FAM13C: variants seen among roughly 807,000 people sequenced by gnomAD.
FAM13C encodes family with sequence similarity 13 member C.
FAM13C carries 37 observed loss-of-function variants against 73.2 expected under a neutral mutation model. The ratio of observed to expected loss-of-function variants is 0.51; its 90% CI spans 0.39 to 0.67. The LOEUF (loss-of-function observed/expected upper bound fraction) is 0.67, where lower values mean the gene tolerates loss of function less well. Among genes scored for constraint, FAM13C ranks in the 30% least tolerant of loss-of-function variants. The pLI, the probability that FAM13C is intolerant of heterozygous loss-of-function variation, is 0.00. For synonymous variants in FAM13C, 246 were observed against 260.9 expected (o/e 0.94, Z 0.55); for missense variants, 589 against 715.6 (o/e 0.82, Z 2.02).
chr10:59,278,532 G>A (rs1370471807), intron 6 of FAM13C, among the ~76,000 whole-genome samples: 3 of 152,048 alleles, frequency 2.0e-5, no homozygotes, highest in Non-Finnish European at 1.5e-5. Flanking sequence ...GAGGGAGAAG[G>A]GTGGTCCTGT....
chr10:59,353,956 A>G (rs554441239), intron 2 of FAM13C, among the ~76,000 whole-genome samples: 1 of 152,358 alleles, frequency 6.6e-6, no homozygotes, highest in East Asian at 1.9e-4. Flanking sequence ...TTGGAAATTA[A>G]TATCAAACCA....
intron 3 of FAM13C, among the ~76,000 whole-genome samples, chr10:59,330,630 T>C (rs1045124034): frequency 2.0e-5 from 3 of 152,106 alleles, no homozygotes; most frequent in African/African-American, 7.2e-5. Flanking sequence ...AGATGTAAGA[T>C]AGCTGCCTTG....
intron 3 of FAM13C, among the ~76,000 whole-genome samples, chr10:59,326,808 A>T (rs1157822242): frequency 6.6e-6 from 1 of 152,078 alleles, no homozygotes; most frequent in Non-Finnish European, 1.5e-5. Context: ...GCAGACACAG[A>T]CCTCTCTAGT....
At chr10:59,252,653 A>G in intron 12 of FAM13C, 146 bp downstream of exon 12, 2 of 701,504 alleles carry the variant, frequency 2.9e-6, no homozygotes, top group Non-Finnish European at 4.8e-6. Flanking sequence ...TATCTCATCT[A>G]AATGTAAGAG....
intron 5 of FAM13C, among the ~76,000 whole-genome samples, chr10:59,291,670 A>AG (rs35108852): frequency 0.9 from 136,965 of 152,182 alleles, 62,311 homozygotes; most frequent in East Asian, 0.97. Flanking sequence ...CAACCTGGAA[A>AG]GGGGAATCCT....
At chr10:59,335,652 C>A (rs745800647) in intron 3 of FAM13C, among the ~76,000 whole-genome samples, 5 of 152,184 alleles carry the variant, frequency 3.3e-5, no homozygotes, top group Non-Finnish European at 5.9e-5. Context: ...ACAACAGATG[C>A]AGTAACATCA....
At chr10:59,255,336 C>A (rs1298828896) in intron 10 of FAM13C, among the ~76,000 whole-genome samples, 1 of 152,170 alleles carries the variant, frequency 6.6e-6, no homozygotes, top group African/African-American at 2.4e-5. Context: ...ATATTCTATA[C>A]CCCTCTGCTG....
At chr10:59,255,282 A>G (rs146579120) in intron 10 of FAM13C, among the ~76,000 whole-genome samples, 1 of 152,258 alleles carries the variant, frequency 6.6e-6, no homozygotes, top group African/African-American at 2.4e-5. Flanking sequence ...GGAGTTACCA[A>G]TATCCTTCCC....
In FAM13C at chr10:59,362,452, A is replaced by C; in HGVS notation, c.9T>G (p.Ser3=). 6.2e-7 allele frequency: 1 copy of C among 1,613,794 alleles called. No homozygotes were observed. The highest frequency in any genetic ancestry group is 8.5e-7 in the Non-Finnish European group (1 of 1,179,882). Residue 3 remains serine (S), a synonymous_variant, in exon 1 of 14, where the codon TCT becomes TCG. Coordinates refer to ENST00000618804, the MANE Select transcript of FAM13C (RefSeq NM_198215.4). MF[S]CFCFSLQDNS... ...TATCCTGAAGGCTGAAACAGAAACAAGAAAACATCAGCCAAGTCTGGCCGG... is the reference window on the plus strand; with the variant it reads ...TATCCTGAAGGCTGAAACAGAAACACGAAAACATCAGCCAAGTCTGGCCGG...
intron 11 of FAM13C, 37 bp downstream of exon 11, chr10:59,254,311 C>T (rs1392622890): frequency 2.2e-6 from 3 of 1,351,440 alleles, no homozygotes; most frequent in East Asian, 2.5e-5. Context: ...AACTACACAT[C>T]AGTACAAAGT....
intron 3 of FAM13C, among the ~76,000 whole-genome samples, chr10:59,350,162 C>T (rs1279939121): frequency 6.6e-6 from 1 of 152,166 alleles, no homozygotes; most frequent in African/African-American, 2.4e-5. Flanking sequence ...ATAGAACAGG[C>T]CACTTAAATT....
Position 59,268,639 on chromosome 10 carries a change from T to G in FAM13C, c.856A>C (p.Ile286Leu), listed in dbSNP as rs760258366. Residue 286 changes from isoleucine (I) to leucine (L), a missense_variant, in exon 8 of 14, where the codon ATC becomes CTC. Transcript: ENST00000618804. ...TGGATGTGCTTGGTGAGCTGGGTGA[T>G]GGTCTGTGGCTCCTTGCCATCTCCA... ...SCGDGKEPQT[I>L]TQLTKHIQSL... 3.1e-6 allele frequency: 5 copies of G among 1,613,434 alleles called. No individual in the cohort carries two copies. In the Admixed American group the frequency reaches 8.3e-5, roughly 27 times the overall value.
chr10:59,337,327 G>A (rs771276418), intron 3 of FAM13C, among the ~76,000 whole-genome samples: 1 of 152,360 alleles, frequency 6.6e-6, no homozygotes, highest in East Asian at 1.9e-4. Flanking sequence ...ACTTCCAGAA[G>A]CTGGAATGTT....
chr10:59,357,736 T>C (rs1266298050), intron 1 of FAM13C, among the ~76,000 whole-genome samples: 1 of 152,166 alleles, frequency 6.6e-6, no homozygotes, highest in African/African-American at 2.4e-5. Flanking sequence ...CTCAGACACG[T>C]TTTAAACAAT....
upstream of FAM13C, chr10:59,363,016 A>C: frequency 6.3e-6 from 1 of 159,360 alleles, no homozygotes; most frequent in Non-Finnish European, 1.3e-5. Context: ...GGGGAGGGGG[A>C]TATTGCTGCT....
At chr10:59,278,307 C>T (rs1167862358) in intron 6 of FAM13C, among the ~76,000 whole-genome samples, 5 of 152,146 alleles carry the variant, frequency 3.3e-5, no homozygotes, top group Non-Finnish European at 7.3e-5. Flanking sequence ...CATCTTTCAT[C>T]TGGGGGTGAT....
At chr10:59,343,830 T>G (rs966418902) in intron 3 of FAM13C, among the ~76,000 whole-genome samples, 1 of 152,180 alleles carries the variant, frequency 6.6e-6, no homozygotes, top group African/African-American at 2.4e-5. Context: ...CACTACGTAT[T>G]TGGGTTATTT....
At chr10:59,352,236 T>C (rs1440825628) in intron 3 of FAM13C, 34 bp downstream of exon 3, 8 of 1,611,220 alleles carry the variant, frequency 5.0e-6, no homozygotes, top group Non-Finnish European at 5.9e-6. Flanking sequence ...GAATCACCCG[T>C]CTTGGCAAAA....
chr10:59,361,458 A>T (rs970898809), intron 1 of FAM13C, among the ~76,000 whole-genome samples: 3 of 152,032 alleles, frequency 2.0e-5, no homozygotes, highest in African/African-American at 4.8e-5. Flanking sequence ...TCTACATCAA[A>T]CTCATAACAT....
Sources: allele counts gnomAD v4.1 joint callset (sites outside exome capture counted in the v4.1 genomes callset), GRCh38; gene constraint gnomAD v4.1.1; transcripts MANE v1.5; gene names NCBI Gene and HGNC (gene_info 2026-07-23, HGNC 2026-07-21).